Variants in NFATC1 observed in about 807,000 individuals in gnomAD.
NFATC1 encodes the protein nuclear factor of activated T cells 1, also known as nuclear factor of activated T-cells, cytoplasmic 1.
A neutral mutation model predicts 76.0 loss-of-function variants in NFATC1; 22 were observed. That is an observed-to-expected ratio of 0.29 (90% confidence interval 0.21 to 0.41). The LOEUF is 0.41. Among genes scored for constraint, NFATC1 ranks in the 10% least tolerant of loss-of-function variants. The pLI is 1.00. For missense variants in NFATC1, 1,357 were observed against 1,337.7 expected, an observed-to-expected ratio of 1.01 and a Z score of -0.23; for synonymous variants, 704 against 613.1, an observed-to-expected ratio of 1.15 and a Z score of -2.19.
chr18:79,466,402 C>T (rs373039619), intron 7 of NFATC1, among the ~76,000 whole-genome samples: 2 of 152,222 alleles, frequency 1.3e-5, no homozygotes, highest in Non-Finnish European at 2.9e-5. Flanking sequence ...GTGCCGCCCT[C>T]GGCAGGGATG....
intron 3 of NFATC1, among the ~76,000 whole-genome samples, chr18:79,443,167 C>T (rs1344975327): frequency 6.6e-6 from 1 of 152,230 alleles, no homozygotes; most frequent in African/African-American, 2.4e-5. Context: ...TGGATCTGAA[C>T]ACGATCTATG....
At chr18:79,482,737 A>T (rs1184986749) in intron 8 of NFATC1, among the ~76,000 whole-genome samples, 1 of 34,370 alleles carries the variant, frequency 2.9e-5, no homozygotes, top group African/African-American at 1.2e-4. Context: ...CCTGCTCCTG[A>T]GGTGTCACTC....
intron 7 of NFATC1, 86 bp downstream of exon 7, chr18:79,461,452 G>A (rs2088088013): frequency 3.1e-6 from 4 of 1,280,038 alleles, no homozygotes; most frequent in African/African-American, 1.6e-5. Context: ...CGGGTCCCCA[G>A]GCCTTGGGAG....
chr18:79,475,061 C>A (rs2088996373), intron 8 of NFATC1, among the ~76,000 whole-genome samples: 1 of 120,196 alleles, frequency 8.3e-6, no homozygotes, highest in East Asian at 2.8e-4. Flanking sequence ...CGTTGTAAAC[C>A]TGAGGGAAGT....
At position 79,396,523 on chromosome 18, in the gene NFATC1, A is replaced by G. The variant is rs193129891; in HGVS notation, c.127+172A>G. ...GCGCGGACCGGGAACGGCGTCCCCC[A>G]GCTCCCAGCAGCCCGGTTCCGAGCG... On this transcript the variant is annotated intron_variant, in intron 1 of 9. Coordinates refer to ENST00000427363, the MANE Select transcript of NFATC1 (RefSeq NM_001278669.2). Among the ~76,000 whole-genome samples, 823 of 151,936 alleles carry G rather than the reference A, an allele frequency of 5.4e-3. 4 individuals carry two copies. Among genetic ancestry groups the G allele is most frequent in the African/African-American group, 0.019 (783 of 41,458 alleles).
chr18:79,517,899 G>C (rs1186738265), intron 9 of NFATC1, among the ~76,000 whole-genome samples: 4 of 152,242 alleles, frequency 2.6e-5, no homozygotes, highest in Non-Finnish European at 1.5e-5. Context: ...GTTTATGCAA[G>C]TTATAGTCTT....
intron 9 of NFATC1, among the ~76,000 whole-genome samples, chr18:79,522,160 T>C (rs34269330): frequency 0.025 from 411 of 16,274 alleles, 20 homozygotes; most frequent in African/African-American, 0.14. Context: ...TCTGTGTGTG[T>C]GTGGGGGGGT....
At chr18:79,502,588 C>A (rs1194115405) in intron 9 of NFATC1, among the ~76,000 whole-genome samples, 3 of 152,120 alleles carry the variant, frequency 2.0e-5, no homozygotes, top group African/African-American at 7.2e-5. Flanking sequence ...TGATAAAGGG[C>A]TTATATCCAG....
In NFATC1 at chr18:79,446,609, C is replaced by G. The variant is rs995853162; in HGVS notation, c.1387-2173C>G. On this transcript the variant is annotated intron_variant, in intron 3 of 9. Transcript: ENST00000427363. ...CATTAACTTGGCAAACGGCTGGAGT[C>G]TCTCTTCCGAGGAGCTGAGGGCTGG... 2.0e-5 allele frequency among the ~76,000 whole-genome samples: 3 copies of G among 152,296 alleles called. No individual in the cohort carries two copies. The East Asian group carries it at 5.8e-4, about 29-fold the overall frequency.
In NFATC1 at chr18:79,426,166, C is replaced by A. The variant is rs1038995283; in HGVS notation, c.1227-7413C>A. Among the ~76,000 whole-genome samples, 6 of 152,136 alleles carry A rather than the reference C, an allele frequency of 3.9e-5. No homozygotes were observed. The East Asian group carries it at 1.2e-3, about 29-fold the overall frequency. On this transcript the variant is annotated intron_variant, in intron 2 of 9. Coordinates refer to ENST00000427363, the MANE Select transcript of NFATC1 (RefSeq NM_001278669.2). The stretch of plus-strand genomic sequence containing the variant: ...CTCTAGCCTGGGTGACAGAGCGAGA[C>A]CCTGTCTCAGAAAAAAGAATTCGAT...
chr18:79,413,816 G>A (rs1340689772), intron 2 of NFATC1, among the ~76,000 whole-genome samples: 1 of 152,200 alleles, frequency 6.6e-6, no homozygotes, highest in Non-Finnish European at 1.5e-5. Flanking sequence ...TGTTTGGTGT[G>A]GAGGTTGGAA....
chr18:79,523,871 G>A (rs1179395818), intron 9 of NFATC1: 1 of 152,212 alleles, frequency 6.6e-6, no homozygotes, highest in Non-Finnish European at 1.5e-5. Flanking sequence ...ATCCTGTTGC[G>A]GGGACATCTG....
chr18:79,512,013 G>A (rs1179693923), intron 9 of NFATC1, among the ~76,000 whole-genome samples: 1 of 152,152 alleles, frequency 6.6e-6, no homozygotes. Flanking sequence ...ATGCGCAGGT[G>A]GCGGGAGCAC....
At position 79,507,376 on chromosome 18, in the gene NFATC1, C is replaced by G. The variant is rs138577003; in HGVS notation, c.2783-20152C>G. On this transcript the variant is annotated intron_variant, in intron 9 of 9. Coordinates refer to ENST00000427363, the MANE Select transcript of NFATC1 (RefSeq NM_001278669.2). ...CTGTGCCGGGGCCGGTGGAGCCATG[C>G]GAGCGGCCGCGTAAATCAGGCAGGC... Among the ~76,000 whole-genome samples the G allele has an allele frequency of 5.7e-3, 865 of 152,304 alleles. 10 individuals are homozygous for G. Among genetic ancestry groups the G allele is most frequent in the African/African-American group, 0.02 (813 of 41,558 alleles).
rs114853789 is a variant in NFATC1 at position 79,485,891 on chromosome 18, T to C, written c.2093-357T>C. Reference sequence around the variant, plus strand: ...ATGTGCAGACATTTATCAAACCGAGTGTCGGGAGCAGAAATGCAGTCGTGC... The same window carrying C: ...ATGTGCAGACATTTATCAAACCGAGCGTCGGGAGCAGAAATGCAGTCGTGC... On this transcript the variant is annotated intron_variant, in intron 8 of 9. Transcript: ENST00000427363. Among the ~76,000 whole-genome samples, 1,469 of 152,320 alleles carry C rather than the reference T, an allele frequency of 9.6e-3. 27 individuals are homozygous for C. Among genetic ancestry groups the C allele is most frequent in the African/African-American group, 0.034 (1,415 of 41,558 alleles).
intron 9 of NFATC1, among the ~76,000 whole-genome samples, chr18:79,490,213 G>A (rs981057254): frequency 6.6e-6 from 1 of 152,196 alleles, no homozygotes; most frequent in African/African-American, 2.4e-5. Context: ...AGAGTCCTGG[G>A]GGCTGAGGTG....
At chr18:79,458,807 C>T (rs765698688) in intron 6 of NFATC1, among the ~76,000 whole-genome samples, 11 of 152,264 alleles carry the variant, frequency 7.2e-5, no homozygotes, top group Admixed American at 1.3e-4. Flanking sequence ...CGGCGGGACG[C>T]GGCCCTGCGT....
At chr18:79,485,595 A>G in intron 8 of NFATC1, among the ~76,000 whole-genome samples, 1 of 152,150 alleles carries the variant, frequency 6.6e-6, no homozygotes, top group East Asian at 1.9e-4. Context: ...CTCTTCCCCA[A>G]AGCCCCGGAC....
chr18:79,517,469 G>A (rs1409173779), intron 9 of NFATC1, among the ~76,000 whole-genome samples: 1 of 152,180 alleles, frequency 6.6e-6, no homozygotes, highest in African/African-American at 2.4e-5. Context: ...TGTGTCCAGT[G>A]GGACGGTGGG....
Sources: allele counts gnomAD v4.1 joint callset (sites outside exome capture counted in the v4.1 genomes callset), GRCh38; gene constraint gnomAD v4.1.1; transcripts MANE v1.5; gene names NCBI Gene and HGNC (gene_info 2026-07-23, HGNC 2026-07-21).